Variants in MTRF1 observed in about 807,000 individuals in gnomAD.
The protein encoded by MTRF1 is mitochondrial translation release factor 1, also known as peptide chain release factor 1, mitochondrial.
A neutral mutation model predicts 62.9 loss-of-function variants in MTRF1; 51 were observed. That is an observed-to-expected ratio of 0.81 (90% CI 0.65 to 1.02). The LOEUF is 1.02. MTRF1 is among the 50% of genes least tolerant of loss of function. The pLI is 0.00. For synonymous variants in MTRF1, 158 were observed against 181.9 expected (o/e 0.87, Z 1.06); for missense variants, 446 against 530.0 (o/e 0.84, Z 1.56).
chr13:41,297,081 T>C, the MTRF1 span, among the ~76,000 whole-genome samples: 1 of 152,188 alleles, frequency 6.6e-6, no homozygotes, highest in Non-Finnish European at 1.5e-5. Context: ...CCCAGAATTC[T>C]AATAAAAGAC....
the MTRF1 span, among the ~76,000 whole-genome samples, chr13:41,279,407 C>T: frequency 6.6e-5 from 10 of 152,318 alleles, no homozygotes; most frequent in South Asian, 2.1e-4. Context: ...GTAACCCAAA[C>T]GTTCCTTTCT....
rs2138857630 is a variant in MTRF1, at chr13:41,234,384, G to A, written c.871-377C>T. On this transcript the variant is annotated intron_variant, in intron 6 of 9. Transcript: ENST00000379480. Reference sequence around the variant, plus strand: ...TGTACAGATGGGGTCTTGCTATTTTGCCCAGGCTGGTCTTGAACTCCTGGC... The same window carrying A: ...TGTACAGATGGGGTCTTGCTATTTTACCCAGGCTGGTCTTGAACTCCTGGC... 2.6e-5 allele frequency among the ~76,000 whole-genome samples: 4 copies of A among 152,206 alleles called. No individual in the cohort carries two copies. The Middle Eastern group carries it at 0.01, about 394-fold the overall frequency.
chr13:41,311,226 C>T, the MTRF1 span: 4 of 503,774 alleles, frequency 7.9e-6, no homozygotes, highest in Middle Eastern at 1.0e-3. Context: ...CGCGCATGCG[C>T]ACAGGATCCG....
chr13:41,255,757 G>A (rs2039629213), intron 2 of MTRF1, among the ~76,000 whole-genome samples: 1 of 152,150 alleles, frequency 6.6e-6, no homozygotes, highest in African/African-American at 2.4e-5. Context: ...TGTCCTGTAT[G>A]GAGAAAATGG....
At chr13:41,220,681 G>A in intron 9 of MTRF1, 1 of 969,636 alleles carries the variant, frequency 1.0e-6, no homozygotes, top group Non-Finnish European at 1.4e-6. Flanking sequence ...ATATCATCAG[G>A]GTTCTTTCTG....
the MTRF1 span, among the ~76,000 whole-genome samples, chr13:41,286,071 A>C: frequency 1.4e-4 from 16 of 118,152 alleles, no homozygotes; most frequent in Non-Finnish European, 2.0e-4. Flanking sequence ...CTCAAAAAAA[A>C]CAAACAACAA....
At chr13:41,283,737 C>G in the MTRF1 span, among the ~76,000 whole-genome samples, 1 of 151,244 alleles carries the variant, frequency 6.6e-6, no homozygotes, top group East Asian at 2.0e-4. Context: ...CCACAGGCGC[C>G]CGCCACTACG....
chr13:41,260,425 A>G lies in MTRF1; in HGVS notation c.415+68T>C, dbSNP rs1405997040. The G allele has an allele frequency of 3.1e-6, 4 of 1,292,754 alleles. No individual in the cohort carries two copies. The African/African-American group carries it at 6.2e-5, about 20-fold the overall frequency. The allele number at this position is 1,292,754 out of a possible 1,614,324, so 80.1% of individuals were successfully genotyped here. A position where few individuals can be genotyped will look rare whatever the true frequency, so the allele number is the denominator to read the frequency against. On this transcript the variant is annotated intron_variant, in intron 2 of 9. Transcript: ENST00000379480. ...GAAAATCAAATCTGTACTTACACAC[A>G]CGCATATAAGTGTGTGGTTTTTTTT...
chr13:41,223,922 T>G (rs531256435), intron 8 of MTRF1, among the ~76,000 whole-genome samples: 1 of 152,290 alleles, frequency 6.6e-6, no homozygotes, highest in South Asian at 2.1e-4. Flanking sequence ...ATCTCCAATT[T>G]TTTTGCTCAC....
the MTRF1 span, among the ~76,000 whole-genome samples, chr13:41,299,732 G>T: frequency 6.6e-6 from 1 of 151,384 alleles, no homozygotes; most frequent in African/African-American, 2.4e-5. Context: ...CAGTTTTAAA[G>T]ACTTTTTTTT....
upstream of MTRF1, among the ~76,000 whole-genome samples, chr13:41,264,670 A>G (rs1347107131): frequency 2.0e-5 from 3 of 152,212 alleles, no homozygotes; most frequent in Non-Finnish European, 4.4e-5. Flanking sequence ...AAATGGTTTT[A>G]CCCTATTAAT....
chr13:41,269,199 G>GTTTTTTTTTTTTTTTTTTTTTTTTTTGT, the MTRF1 span, among the ~76,000 whole-genome samples: 2 of 68,724 alleles, frequency 2.9e-5, no homozygotes, highest in East Asian at 3.7e-4. Context: ...TTTTTTTTTG[G>GTTTTTTTTTTTTTTTTTTTTTTTTTTGT]TTTTTTTTTT....
chr13:41,295,050 T>C, the MTRF1 span, among the ~76,000 whole-genome samples: 1 of 152,222 alleles, frequency 6.6e-6, no homozygotes, highest in African/African-American at 2.4e-5. Context: ...TGTACCTTGC[T>C]GCATGTGATT....
chr13:41,263,301 C>T (rs1364955687), intron 1 of MTRF1, 184 bp downstream of exon 1: 7 of 1,289,282 alleles, frequency 5.4e-6, no homozygotes, highest in Non-Finnish European at 7.1e-6. Context: ...TTCTCCATTA[C>T]CCATCACAGT....
chr13:41,272,394 C>A, the MTRF1 span, among the ~76,000 whole-genome samples: 1 of 152,110 alleles, frequency 6.6e-6, no homozygotes, highest in Admixed American at 6.6e-5. Flanking sequence ...ACATAGAAAC[C>A]AAGTGCATGA....
At chr13:41,232,181 T>A (rs566373710) in intron 7 of MTRF1, among the ~76,000 whole-genome samples, 2 of 151,634 alleles carry the variant, frequency 1.3e-5, no homozygotes, top group East Asian at 3.9e-4. Context: ...AAAATTAATA[T>A]CCTTCAGTAA....
intron 7 of MTRF1, among the ~76,000 whole-genome samples, chr13:41,233,396 A>T (rs1050833883): frequency 3.1e-4 from 47 of 152,346 alleles, no homozygotes; most frequent in African/African-American, 9.6e-4. Context: ...AAATTAATTT[A>T]AAAAAATTAA....
At chr13:41,259,862 G>A (rs956755416) in intron 2 of MTRF1, among the ~76,000 whole-genome samples, 3 of 152,132 alleles carry the variant, frequency 2.0e-5, no homozygotes, top group Admixed American at 6.5e-5. Context: ...CTCTAGTAGA[G>A]CAGGTCTCAC....
chr13:41,260,410 T>C, intron 2 of MTRF1, 83 bp downstream of exon 2: 1 of 1,232,960 alleles, frequency 8.1e-7, no homozygotes, highest in Non-Finnish European at 1.1e-6. Flanking sequence ...GAAAATCAAA[T>C]CTGTACTTAC....
Sources: allele counts gnomAD v4.1 joint callset (sites outside exome capture counted in the v4.1 genomes callset), GRCh38; gene constraint gnomAD v4.1.1; transcripts MANE v1.5; gene names NCBI Gene and HGNC (gene_info 2026-07-23, HGNC 2026-07-21).